Variants in CADPS2 observed in about 807,000 individuals in gnomAD.
CADPS2 encodes calcium-dependent secretion activator 2.
A neutral mutation model predicts 172.5 loss-of-function variants in CADPS2; 93 were observed. The ratio of observed to expected loss-of-function variants is 0.54; its 90% confidence interval spans 0.46 to 0.64. CADPS2 has a LOEUF of 0.64. CADPS2 is among the 30% of genes least tolerant of loss of function. The probability of loss-of-function intolerance (pLI) is 0.00; values close to 1 mark genes in which losing one functional copy is unlikely to be tolerated. For synonymous variants in CADPS2, 546 were observed against 555.2 expected (o/e 0.98, Z 0.23); for missense variants, 1,420 against 1,565.9 (o/e 0.91, Z 1.57).
At chr7:122,625,264 G>T (rs886132104) in intron 4 of CADPS2, among the ~76,000 whole-genome samples, 7 of 151,958 alleles carry the variant, frequency 4.6e-5, no homozygotes, top group Non-Finnish European at 7.4e-5. Flanking sequence ...TGGTCAGGCT[G>T]GTCTCAAACT....
Position 122,345,008 on chromosome 7 carries a change from G to C in CADPS2, c.3612+566C>G, listed in dbSNP as rs146493548. Among the ~76,000 whole-genome samples the C allele has an allele frequency of 2.4e-4, 36 of 152,048 alleles. No homozygotes were observed. In the East Asian group the frequency reaches 5.4e-3, roughly 23 times the overall value. The stretch of plus-strand genomic sequence containing the variant: ...GGCAAGAATGGATTTCAGTAAATAG[G>C]TCACCAAGACAAAAAACTGAAGATA... On this transcript the variant is annotated intron_variant, in intron 28 of 29. Transcript: ENST00000449022.
At chr7:122,798,285 G>A (rs953443924) in intron 1 of CADPS2, among the ~76,000 whole-genome samples, 1 of 152,094 alleles carries the variant, frequency 6.6e-6, no homozygotes, top group Non-Finnish European at 1.5e-5. Flanking sequence ...GTCCAGGGCT[G>A]CAGTTCACCC....
intron 1 of CADPS2, among the ~76,000 whole-genome samples, chr7:122,819,134 C>T (rs978839965): frequency 6.6e-6 from 1 of 152,044 alleles, no homozygotes. Flanking sequence ...AACTTCCAAA[C>T]GCCTGAACTG....
intron 11 of CADPS2, among the ~76,000 whole-genome samples, chr7:122,487,379 T>C (rs1278484265): frequency 6.6e-6 from 1 of 152,160 alleles, no homozygotes; most frequent in Non-Finnish European, 1.5e-5. Context: ...ATATTCATCT[T>C]ATTGCAGTGG....
At chr7:122,829,962 T>C (rs1218312039) in intron 1 of CADPS2, among the ~76,000 whole-genome samples, 2 of 152,032 alleles carry the variant, frequency 1.3e-5, no homozygotes, top group African/African-American at 4.8e-5. Context: ...TACCTATTTA[T>C]GTATAAAATG....
intron 3 of CADPS2, among the ~76,000 whole-genome samples, chr7:122,660,860 A>G (rs1170508909): frequency 6.6e-6 from 1 of 152,150 alleles, no homozygotes; most frequent in Admixed American, 6.5e-5. Context: ...CAGTAAGTTG[A>G]GATCACACCA....
In CADPS2 at chr7:122,416,112, C is replaced by G; in HGVS notation, c.2529G>C (p.Leu843=). Residue 843 remains leucine (L), a synonymous_variant, in exon 18 of 30, where the codon CTG becomes CTC. Coordinates refer to ENST00000449022, the MANE Select transcript of CADPS2 (RefSeq NM_017954.11). ...GTAAGACTTCTATGCAGAGCTCTGC[C>G]AGATGAAGAATCTCTTCCAGCTTTC... ...PARKLEEILH[L]AELCIEVLQQ... 1 of 1,554,498 alleles carries G rather than the reference C, an allele frequency of 6.4e-7. No homozygotes were observed. The highest frequency in any genetic ancestry group is 8.7e-7 in the Non-Finnish European group (1 of 1,145,610).
At chr7:122,545,471 C>G (rs1223888849) in intron 8 of CADPS2, among the ~76,000 whole-genome samples, 1 of 152,072 alleles carries the variant, frequency 6.6e-6, no homozygotes, top group African/African-American at 2.4e-5. Context: ...TCTAGACGAA[C>G]CAGATTTTTG....
chr7:122,727,589 G>C (rs1392946747), intron 2 of CADPS2, among the ~76,000 whole-genome samples: 2 of 151,766 alleles, frequency 1.3e-5, no homozygotes, highest in Non-Finnish European at 2.9e-5. Flanking sequence ...ACCTAAAAAT[G>C]CATGAAGAGA....
intron 5 of CADPS2, among the ~76,000 whole-genome samples, chr7:122,617,311 C>T (rs929305419): frequency 2.0e-5 from 3 of 152,108 alleles, no homozygotes; most frequent in Admixed American, 1.3e-4. Flanking sequence ...TATGATTCTA[C>T]AGATCTGATA....
chr7:122,329,184 C>A (rs2034475131), intron 28 of CADPS2, among the ~76,000 whole-genome samples: 1 of 152,188 alleles, frequency 6.6e-6, no homozygotes, highest in African/African-American at 2.4e-5. Context: ...CTTTCTTAAA[C>A]ACCCTGAACC....
intron 1 of CADPS2, among the ~76,000 whole-genome samples, chr7:122,768,748 A>C (rs1366767747): frequency 6.6e-6 from 1 of 152,240 alleles, no homozygotes; most frequent in African/African-American, 2.4e-5. Flanking sequence ...GTTTATAAGC[A>C]AATATTTTCT....
chr7:122,425,886 T>A (rs2049114299), intron 17 of CADPS2: 2 of 152,170 alleles, frequency 1.3e-5, no homozygotes, highest in Admixed American at 6.5e-5. Flanking sequence ...GTTTTATTCA[T>A]AAAAGGAGGA....
chr7:122,835,375 A>G (rs1240377683), intron 1 of CADPS2, among the ~76,000 whole-genome samples: 1 of 152,152 alleles, frequency 6.6e-6, no homozygotes, highest in East Asian at 1.9e-4. Context: ...AAATCAGAGC[A>G]CCTCTCCCCC....
intron 8 of CADPS2, among the ~76,000 whole-genome samples, chr7:122,525,170 T>C (rs146882125): frequency 2.4e-4 from 36 of 152,238 alleles, no homozygotes; most frequent in African/African-American, 8.4e-4. Flanking sequence ...AAAAGTTTTC[T>C]TTAAAATTTT....
At chr7:122,803,848 T>C (rs1277750444) in intron 1 of CADPS2, among the ~76,000 whole-genome samples, 1 of 152,098 alleles carries the variant, frequency 6.6e-6, no homozygotes, top group Non-Finnish European at 1.5e-5. Flanking sequence ...CTGGTTTTCC[T>C]AATACACATC....
chr7:122,345,293 G>GA (rs1369835424), intron 28 of CADPS2, among the ~76,000 whole-genome samples: 1 of 151,852 alleles, frequency 6.6e-6, no homozygotes, highest in Admixed American at 6.6e-5. Context: ...ACCCAGCTAT[G>GA]TCTTTTATTT....
At chr7:122,873,678 A>G (rs1585078496) in intron 1 of CADPS2, among the ~76,000 whole-genome samples, 1 of 152,304 alleles carries the variant, frequency 6.6e-6, no homozygotes, top group East Asian at 1.9e-4. Flanking sequence ...TCCTTTGGGT[A>G]TATACCCAAT....
chr7:122,826,796 T>C (rs1805020365), intron 1 of CADPS2, among the ~76,000 whole-genome samples: 1 of 151,634 alleles, frequency 6.6e-6, no homozygotes, highest in Non-Finnish European at 1.5e-5. Context: ...AGCTAAAACA[T>C]TACTGAAAGG....
Sources: gnomAD v4.1 joint callset for allele counts (sites outside exome capture counted in the v4.1 genomes callset) on GRCh38, gnomAD v4.1.1 for gene constraint, MANE v1.5 for transcripts, NCBI Gene and HGNC (gene_info 2026-07-23, HGNC 2026-07-21) for gene names.